Variants in DGUOK observed in about 807,000 individuals in gnomAD.
DGUOK encodes deoxyguanosine kinase, also known as deoxyguanosine kinase, mitochondrial.
Under a neutral mutation model 36.6 loss-of-function variants are expected in DGUOK, and 30 were observed. The observed-to-expected ratio is 0.82, with a 90% CI of 0.61 to 1.11. The LOEUF (loss-of-function observed/expected upper bound fraction) is 1.11, where lower values mean the gene tolerates loss of function less well. Among genes scored for constraint, DGUOK ranks in the 50% most tolerant of loss-of-function variants. The pLI is 0.00. For missense variants in DGUOK, 361 were observed against 336.4 expected (o/e 1.07, Z -0.57); for synonymous variants, 145 against 126.3 (o/e 1.15, Z -0.99).
intron 4 of DGUOK, among the ~76,000 whole-genome samples, chr2:73,955,840 C>T: frequency 6.6e-6 from 1 of 152,110 alleles, no homozygotes; most frequent in East Asian, 1.9e-4. Context: ...CGCCACTGCA[C>T]TCCAGCCTGG....
rs917729281 is a variant in DGUOK, at chr2:73,929,284, A to AT, written c.142+2238dup. ...CCACTATGCGTGGCTAATTTTGTAT[A>AT]TTTTTTGTAGAGACAGGGTCTCACT... On this transcript the variant is annotated intron_variant, in intron 1 of 6. Transcript: ENST00000264093. 1.5e-4 allele frequency among the ~76,000 whole-genome samples: 23 copies of AT among 152,038 alleles called. 1 individual carries two copies. Among genetic ancestry groups the AT allele is most frequent in the Non-Finnish European group, 2.8e-4 (19 of 68,002 alleles).
In DGUOK at chr2:73,942,601, TA is replaced by T. The variant is rs1328853193; in HGVS notation, c.255+3580del. ...TATCTTATATGATTTAATTTCTCAT[TA>T]TTTTTTTATTTGCTTGAAGTTTTGG... On this transcript the variant is annotated intron_variant, in intron 2 of 6. Transcript: ENST00000264093. Among the ~76,000 whole-genome samples the T allele has an allele frequency of 5.8e-4, 12 of 20,628 alleles. No homozygotes were observed. In the South Asian group the frequency reaches 6.8e-3, roughly 12 times the overall value. 13.5% of individuals were successfully genotyped at this position (20,628 alleles called of 152,430 possible).
Position 73,958,892 on chromosome 2 carries a change from G to C in DGUOK, c.*156G>C. ...GGTTTGTTAATTATTGTTAGACTTT[G>C]CCATTGTTTTCTTTTGTACCTGAAG... On this transcript the variant is annotated 3_prime_UTR_variant, in exon 7 of 7. Coordinates refer to ENST00000264093, the MANE Select transcript of DGUOK (RefSeq NM_080916.3). 1.5e-6 allele frequency: 1 copy of C among 669,442 alleles called. No homozygotes were observed. Among genetic ancestry groups the C allele is most frequent in the Middle Eastern group, 2.5e-4 (1 of 4,044 alleles). The allele number at this position is 669,442 out of a possible 1,614,324, so 41.5% of individuals were successfully genotyped here.
intron 5 of DGUOK, chr2:73,957,869 C>T: frequency 2.6e-6 from 1 of 385,268 alleles, no homozygotes; most frequent in East Asian, 6.2e-5. Context: ...TGGTTTCTGC[C>T]TGTCCTCCCT....
chr2:73,944,624 C>T (rs1376057232), intron 2 of DGUOK, among the ~76,000 whole-genome samples: 1 of 152,126 alleles, frequency 6.6e-6, no homozygotes, highest in African/African-American at 2.4e-5. Context: ...CATCTGTTTG[C>T]TTATATTTTT....
chr2:73,936,132 A>G (rs1354958151), intron 1 of DGUOK, among the ~76,000 whole-genome samples: 1 of 152,230 alleles, frequency 6.6e-6, no homozygotes, highest in Non-Finnish European at 1.5e-5. Flanking sequence ...CAGGGACCAT[A>G]TTTTAGACTT....
At chr2:73,950,527 C>A in intron 3 of DGUOK, 58 bp from the exon 4 acceptor site, 1 of 1,576,068 alleles carries the variant, frequency 6.3e-7, no homozygotes, top group Non-Finnish European at 8.7e-7. Context: ...CTCTCTCGTG[C>A]CTTTCATTCC....
At chr2:73,950,547 T>TCTCCTGCCCTCCCCATTCCCATC (rs1463038556) in intron 3 of DGUOK, 38 bp from the exon 4 acceptor site, 1 of 1,611,896 alleles carries the variant, frequency 6.2e-7, no homozygotes, top group East Asian at 2.2e-5. Flanking sequence ...CATTTCCCAT[T>TCTCCTGCCCTCCCCATTCCCATC]CTCCTGCCCT....
chr2:73,953,307 C>A (rs1270403913), intron 4 of DGUOK, among the ~76,000 whole-genome samples: 2 of 148,356 alleles, frequency 1.3e-5, no homozygotes. Flanking sequence ...TCGTCGTCGT[C>A]GTCGTCGTCA....
At chr2:73,937,506 T>G (rs149803339) in intron 1 of DGUOK, among the ~76,000 whole-genome samples, 107 of 152,192 alleles carry the variant, frequency 7.0e-4, no homozygotes, top group African/African-American at 2.5e-3. Context: ...AGGACAAATA[T>G]GAAAAATGTA....
intron 1 of DGUOK, among the ~76,000 whole-genome samples, chr2:73,930,118 C>CTA (rs1680899654): frequency 6.6e-6 from 1 of 152,004 alleles, no homozygotes; most frequent in South Asian, 2.1e-4. Context: ...TAGTAACAGG[C>CTA]GTGATGGCAA....
At chr2:73,934,680 G>A (rs1226563903) in intron 1 of DGUOK, among the ~76,000 whole-genome samples, 1 of 151,878 alleles carries the variant, frequency 6.6e-6, no homozygotes, top group Non-Finnish European at 1.5e-5. Flanking sequence ...AGTTGAACCC[G>A]GGAGTTGGAA....
At chr2:73,935,048 C>G (rs1240342046) in intron 1 of DGUOK, among the ~76,000 whole-genome samples, 2 of 152,002 alleles carry the variant, frequency 1.3e-5, no homozygotes, top group African/African-American at 4.8e-5. Flanking sequence ...TGCACTCCAG[C>G]CTGGGCAACA....
At position 73,958,187 on chromosome 2, in the gene DGUOK, T is replaced by C. The variant is rs749464475; in HGVS notation, c.749T>C (p.Leu250Ser). ...EALMNIPVLV[L>S]DVNDDFSEEV... is the part of the protein sequence containing the mutation. ...CTGATGAACATTCCAGTGCTGGTGT[T>C]GGATGTCAATGATGATTTTTCTGAG... Residue 250 changes from leucine (L) to serine (S), a missense_variant, in exon 6 of 7, where the codon TTG becomes TCG. Leu to Ser is a moderately radical substitution (Grantham distance 145). Coordinates refer to ENST00000264093, the MANE Select transcript of DGUOK (RefSeq NM_080916.3). 52 of 1,613,824 alleles carry C rather than the reference T, an allele frequency of 3.2e-5. No homozygotes were observed. The highest frequency in any genetic ancestry group is 1.0e-4 in the Admixed American group (6 of 60,002).
intron 2 of DGUOK, among the ~76,000 whole-genome samples, chr2:73,943,490 T>C (rs1009277075): frequency 5.9e-5 from 9 of 152,048 alleles, no homozygotes; most frequent in Admixed American, 5.9e-4. Flanking sequence ...GGTTTTACCA[T>C]CAATGTTATG....
intron 2 of DGUOK, among the ~76,000 whole-genome samples, chr2:73,945,682 T>TA (rs535314630): frequency 8.1e-4 from 123 of 152,180 alleles, no homozygotes; most frequent in Non-Finnish European, 1.6e-3. Flanking sequence ...GGTGATTGAA[T>TA]AAAAAATACA....
At position 73,953,880 on chromosome 2, in the gene DGUOK, G is replaced by A. The variant is rs532718231; in HGVS notation, c.591+3148G>A. 5.9e-3 allele frequency among the ~76,000 whole-genome samples: 898 copies of A among 151,854 alleles called. 11 individuals carry two copies. Among genetic ancestry groups the A allele is most frequent in the African/African-American group, 0.02 (838 of 41,450 alleles). ...ACTACAGGCACCCGCCACCACACCC[G>A]GCTAATTTTTTTTTGTATTTTTAGT... On this transcript the variant is annotated intron_variant, in intron 4 of 6. Transcript: ENST00000264093.
chr2:73,929,285 T>C (rs1481738061), intron 1 of DGUOK, among the ~76,000 whole-genome samples: 1 of 152,148 alleles, frequency 6.6e-6, no homozygotes, highest in African/African-American at 2.4e-5. Flanking sequence ...ATTTTGTATA[T>C]TTTTTGTAGA....
At chr2:73,936,400 G>A (rs1224191844) in intron 1 of DGUOK, among the ~76,000 whole-genome samples, 1 of 152,230 alleles carries the variant, frequency 6.6e-6, no homozygotes, top group African/African-American at 2.4e-5. Flanking sequence ...GGATCGAACA[G>A]ATGTGAAGAA....
Sources: allele counts gnomAD v4.1 joint callset (sites outside exome capture counted in the v4.1 genomes callset), GRCh38; gene constraint gnomAD v4.1.1; transcripts MANE v1.5; gene names NCBI Gene and HGNC (gene_info 2026-07-23, HGNC 2026-07-21).